The following ATP6V1E1 variants were observed in gnomAD, a reference collection of about 807,000 sequenced individuals.
The protein encoded by ATP6V1E1 is ATPase H+ transporting V1 subunit E1.
A neutral mutation model predicts 35.2 loss-of-function variants in ATP6V1E1; 21 were observed. That is an observed-to-expected ratio of 0.60 (90% CI 0.42 to 0.86). The LOEUF is 0.86. ATP6V1E1 is among the 40% of genes least tolerant of loss of function. ATP6V1E1 has a pLI of 0.00. For synonymous variants in ATP6V1E1, 83 were observed against 87.8 expected, an observed-to-expected ratio of 0.95 and a Z score of 0.30; for missense variants, 183 against 272.6, an observed-to-expected ratio of 0.67 and a Z score of 2.32.
At chr22:17,624,414 T>C (rs1328015231) in intron 1 of ATP6V1E1, among the ~76,000 whole-genome samples, 1 of 151,256 alleles carries the variant, frequency 6.6e-6, no homozygotes. Context: ...ATTAGCTGGG[T>C]GTGGTGGCGG....
At chr22:17,605,225 AAAAG>A (rs2057780613) in intron 4 of ATP6V1E1, among the ~76,000 whole-genome samples, 1 of 140,480 alleles carries the variant, frequency 7.1e-6, no homozygotes, top group Non-Finnish European at 1.5e-5. Context: ...AAAAAAAAAG[AAAAG>A]AAAAGAAAAG....
chr22:17,597,488 T>A (rs1698161715), intron 7 of ATP6V1E1, among the ~76,000 whole-genome samples: 1 of 151,918 alleles, frequency 6.6e-6, no homozygotes. Context: ...GGAACCTAAC[T>A]ACCAGGCATA....
chr22:17,622,117 T>C (rs1013800769), intron 1 of ATP6V1E1, among the ~76,000 whole-genome samples: 6 of 152,210 alleles, frequency 3.9e-5, no homozygotes, highest in African/African-American at 1.4e-4. Flanking sequence ...AATGGTAGCT[T>C]CATTTCCTAA....
At chr22:17,597,656 C>T (rs1347586686) in intron 7 of ATP6V1E1, among the ~76,000 whole-genome samples, 1 of 151,910 alleles carries the variant, frequency 6.6e-6, no homozygotes, top group South Asian at 2.1e-4. Flanking sequence ...GAGATGCAGT[C>T]TTGCTCTGTC....
intron 4 of ATP6V1E1, among the ~76,000 whole-genome samples, chr22:17,609,818 T>A (rs1471543622): frequency 1.3e-5 from 2 of 152,124 alleles, no homozygotes; most frequent in Non-Finnish European, 2.9e-5. Flanking sequence ...AACCACTGTG[T>A]GTCATGAGAG....
chr22:17,601,243 T>C (rs1269470888), intron 4 of ATP6V1E1, 62 bp from the exon 5 acceptor site: 1 of 1,372,342 alleles, frequency 7.3e-7, no homozygotes, highest in South Asian at 1.2e-5. Flanking sequence ...CAGAACCCAC[T>C]GTGAGGCTGA....
At position 17,594,551 on chromosome 22, in the gene ATP6V1E1, C is replaced by T; in HGVS notation, c.596G>A (p.Arg199Gln). 3 of 1,593,146 alleles carry T rather than the reference C, an allele frequency of 1.9e-6. No homozygotes were observed. The highest frequency in any genetic ancestry group is 1.1e-5 in the South Asian group (1 of 87,038). The change falls in exon 8 of 9, where the codon CGG becomes CAG. Residue 199 changes from arginine to glutamine, a missense_variant. Transcript: ENST00000253413. ...CACCTGCTGGGCTATGAGATCCAGC[C>T]GGCTTTCCAGGGTGTTGGAAACCTT... ...KIKVSNTLES[R>Q]LDLIAQQMMP...
In ATP6V1E1 at chr22:17,594,776, C is replaced by T. The variant is rs112106599; in HGVS notation, c.531-160G>A. On this transcript the variant is annotated intron_variant, in intron 7 of 8. Coordinates refer to ENST00000253413, the MANE Select transcript of ATP6V1E1 (RefSeq NM_001696.4). ...ACTGAAAAAGCTTCTGAAGATGTAA[C>T]GCACAGTTGGTTTCAGGAAACCCCA... 5.8e-5 allele frequency: 30 copies of T among 520,302 alleles called. 1 individual carries two copies. The highest frequency in any genetic ancestry group is 4.3e-4 in the African/African-American group (22 of 51,024). The allele number at this position is 520,302 out of a possible 1,614,324, so 32.2% of individuals were successfully genotyped here.
At chr22:17,603,842 C>T (rs1320709109) in intron 4 of ATP6V1E1, among the ~76,000 whole-genome samples, 2 of 152,164 alleles carry the variant, frequency 1.3e-5, no homozygotes, top group Non-Finnish European at 2.9e-5. Context: ...ACCAAAAGAG[C>T]CCTCTAACAT....
intron 1 of ATP6V1E1, among the ~76,000 whole-genome samples, chr22:17,621,937 T>C (rs972053798): frequency 6.6e-6 from 1 of 152,190 alleles, no homozygotes; most frequent in Non-Finnish European, 1.5e-5. Context: ...GGTTCCTAGA[T>C]CACCGGCTAC....
Position 17,598,403 on chromosome 22 carries a change from A to G in ATP6V1E1, c.436-115T>C, listed in dbSNP as rs2057744142. 8.7e-6 allele frequency: 7 copies of G among 809,050 alleles called. No individual in the cohort carries two copies. In the South Asian group the frequency reaches 1.1e-4, roughly 13 times the overall value. 50.1% of individuals were successfully genotyped at this position (809,050 alleles called of 1,614,324 possible). On this transcript the variant is annotated intron_variant, in intron 6 of 8. Transcript: ENST00000253413. ...CCATTTATCCCAGGTAAAAGAACAG[A>G]GGCACCGCTGGTGGGAATGTAAAAC... is the stretch of plus-strand genomic sequence containing the variant.
At chr22:17,627,316 A>G (rs958655077) in intron 1 of ATP6V1E1, among the ~76,000 whole-genome samples, 14 of 151,008 alleles carry the variant, frequency 9.3e-5, no homozygotes, top group Admixed American at 2.0e-4. Flanking sequence ...TTTAATAGAG[A>G]TGGGGTTTCA....
intron 4 of ATP6V1E1, among the ~76,000 whole-genome samples, chr22:17,609,613 C>G (rs1037452975): frequency 1.3e-5 from 2 of 151,768 alleles, no homozygotes; most frequent in African/African-American, 4.8e-5. Context: ...GGACTACAGG[C>G]GCCCACCACC....
chr22:17,614,604 G>GGAGGTTGCAGTGAGCT (rs1297966300), intron 2 of ATP6V1E1, among the ~76,000 whole-genome samples: 19 of 151,694 alleles, frequency 1.3e-4, no homozygotes, highest in African/African-American at 4.6e-4. Flanking sequence ...CCCAGGAGGT[G>GGAGGTTGCAGTGAGCT]GAGGTTGCAG....
chr22:17,610,430 C>G (rs1033953839), intron 4 of ATP6V1E1, among the ~76,000 whole-genome samples: 2 of 152,104 alleles, frequency 1.3e-5, no homozygotes, highest in African/African-American at 4.8e-5. Context: ...AATGTATCAT[C>G]AAAACCATTT....
At chr22:17,604,926 G>T (rs2057778046) in intron 4 of ATP6V1E1, among the ~76,000 whole-genome samples, 1 of 152,002 alleles carries the variant, frequency 6.6e-6, no homozygotes. Context: ...GTTTAAAAAA[G>T]AAAACTTGGC....
rs773038707 is a variant in ATP6V1E1 at position 17,592,763 on chromosome 22, G to A, written c.619-27C>T. ...TGTGGAGAGAAAGTGTAATAAATAC[G>A]CAATGTCAGCTGAAGAAGTTGTAGA... On this transcript the variant is annotated intron_variant, in intron 8 of 8. Coordinates refer to ENST00000253413, the MANE Select transcript of ATP6V1E1 (RefSeq NM_001696.4). 27 of 1,554,594 alleles carry A rather than the reference G, an allele frequency of 1.7e-5. 1 individual carries two copies. The highest frequency in any genetic ancestry group is 1.2e-4 in the South Asian group (11 of 89,926).
chr22:17,595,626 G>A (rs979791807), intron 7 of ATP6V1E1, among the ~76,000 whole-genome samples: 3 of 152,118 alleles, frequency 2.0e-5, no homozygotes, highest in Admixed American at 1.3e-4. Context: ...TTTGAGGCCA[G>A]CCTGGCCAAC....
At chr22:17,605,508 C>T in intron 4 of ATP6V1E1, among the ~76,000 whole-genome samples, 1 of 151,920 alleles carries the variant, frequency 6.6e-6, no homozygotes, top group Non-Finnish European at 1.5e-5. Context: ...CCAGGCTGGG[C>T]AACAAGAGCG....
Sources: allele counts gnomAD v4.1 joint callset (sites outside exome capture counted in the v4.1 genomes callset), GRCh38; gene constraint gnomAD v4.1.1; transcripts MANE v1.5; gene names NCBI Gene and HGNC (gene_info 2026-07-23, HGNC 2026-07-21).